The following AGTPBP1 variants were observed in gnomAD, a reference collection of about 807,000 sequenced individuals.
The protein encoded by AGTPBP1 is ATP/GTP binding carboxypeptidase 1, also known as cytosolic carboxypeptidase 1.
AGTPBP1 carries 70 observed loss-of-function variants against 143.9 expected under a neutral mutation model. The ratio of observed to expected loss-of-function variants is 0.49; its 90% confidence interval spans 0.40 to 0.59. The LOEUF (loss-of-function observed/expected upper bound fraction) is 0.59. Among genes scored for constraint, AGTPBP1 ranks in the 20% least tolerant of loss-of-function variants. The probability of loss-of-function intolerance (pLI) is 0.00; values close to 1 mark genes in which losing one functional copy is unlikely to be tolerated. For missense variants in AGTPBP1, 1,229 were observed against 1,464.5 expected, an observed-to-expected ratio of 0.84 and a Z score of 2.62; for synonymous variants, 463 against 500.2, an observed-to-expected ratio of 0.93 and a Z score of 0.99.
intron 24 of AGTPBP1, among the ~76,000 whole-genome samples, chr9:85,576,145 C>T (rs1007209855): frequency 2.6e-4 from 39 of 152,010 alleles, no homozygotes; most frequent in African/African-American, 9.2e-4. Flanking sequence ...ATAAGGTTTA[C>T]CAAAAGTTAA....
At position 85,589,716 on chromosome 9, in the gene AGTPBP1, C is replaced by A. The variant is rs374479702; in HGVS notation, c.2569-35G>T. ...AATTTTAAAACAAAATATACAATCA[C>A]TTAAAAAGTCCCTATGATATACAGA... On this transcript the variant is annotated intron_variant, in intron 19 of 25. Transcript: ENST00000357081. 6 of 1,565,230 alleles carry A rather than the reference C, an allele frequency of 3.8e-6. No homozygotes were observed. In the African/African-American group the frequency reaches 6.9e-5, roughly 18 times the overall value.
upstream of AGTPBP1, among the ~76,000 whole-genome samples, chr9:85,745,126 C>T (rs1824565927): frequency 6.6e-6 from 1 of 152,198 alleles, no homozygotes; most frequent in African/African-American, 2.4e-5. Context: ...GAGAGGTGAA[C>T]ATTGGAGCCC....
intron 13 of AGTPBP1, 37 bp downstream of exon 13, chr9:85,642,790 A>G (rs764293821): frequency 3.4e-6 from 5 of 1,487,062 alleles, no homozygotes; most frequent in Non-Finnish European, 4.6e-6. Context: ...ACTTTTTATT[A>G]AAATCAGTTA....
At chr9:85,617,093 A>C (rs1009374372) in intron 17 of AGTPBP1, among the ~76,000 whole-genome samples, 8 of 152,156 alleles carry the variant, frequency 5.3e-5, no homozygotes, top group Non-Finnish European at 1.0e-4. Context: ...AAGTAATTCT[A>C]GAGTATACAA....
In AGTPBP1 at chr9:85,656,657, C is replaced by G. The variant is rs1385610180; in HGVS notation, c.909+778G>C. ...CAACATCCTCATTCCCCATGGCTGA[C>G]AGTCAGCACAGCAACTAGAAAGGAT... is the stretch of plus-strand genomic sequence containing the variant. On this transcript the variant is annotated intron_variant, in intron 10 of 25. Transcript: ENST00000357081. 2.0e-5 allele frequency among the ~76,000 whole-genome samples: 3 copies of G among 152,122 alleles called. No homozygotes were observed. In the East Asian group the frequency reaches 5.8e-4, roughly 29 times the overall value.
intron 22 of AGTPBP1, among the ~76,000 whole-genome samples, chr9:85,586,412 A>T (rs1356757496): frequency 6.6e-6 from 1 of 152,166 alleles, no homozygotes; most frequent in East Asian, 1.9e-4. Flanking sequence ...TTAATATAAC[A>T]GGAACATTCT....
intron 6 of AGTPBP1, among the ~76,000 whole-genome samples, chr9:85,676,249 A>G (rs1484017572): frequency 6.6e-6 from 1 of 152,168 alleles, no homozygotes; most frequent in Non-Finnish European, 1.5e-5. Flanking sequence ...AACAATCAAC[A>G]AAGTGAAGAG....
intron 8 of AGTPBP1, among the ~76,000 whole-genome samples, chr9:85,663,792 A>G (rs1833977080): frequency 6.6e-6 from 1 of 151,502 alleles, no homozygotes; most frequent in South Asian, 2.1e-4. Flanking sequence ...CTAGATATCT[A>G]TTCAGCAGAA....
chr9:85,654,518 T>A (rs1286402266), intron 11 of AGTPBP1, among the ~76,000 whole-genome samples: 1 of 152,098 alleles, frequency 6.6e-6, no homozygotes, highest in Non-Finnish European at 1.5e-5. Flanking sequence ...TACCTAGACA[T>A]TTAATGTTTA....
intron 2 of AGTPBP1, among the ~76,000 whole-genome samples, chr9:85,705,500 G>A (rs1195289967): frequency 6.6e-6 from 1 of 151,932 alleles, no homozygotes; most frequent in African/African-American, 2.4e-5. Flanking sequence ...AACATAGCAA[G>A]ACATATCTCT....
At chr9:85,597,525 C>T (rs1829374083) in intron 17 of AGTPBP1, among the ~76,000 whole-genome samples, 1 of 151,992 alleles carries the variant, frequency 6.6e-6, no homozygotes, top group African/African-American at 2.4e-5. Flanking sequence ...TTTTGCAAAT[C>T]AACTTTGTTA....
chr9:85,599,567 T>C (rs1388087880), intron 17 of AGTPBP1, among the ~76,000 whole-genome samples: 1 of 152,242 alleles, frequency 6.6e-6, no homozygotes, highest in Non-Finnish European at 1.5e-5. Context: ...AAGTTAATTT[T>C]CACTTCTCCT....
intron 17 of AGTPBP1, among the ~76,000 whole-genome samples, chr9:85,608,418 C>T (rs1410640054): frequency 6.6e-6 from 1 of 151,852 alleles, no homozygotes; most frequent in African/African-American, 2.4e-5. Flanking sequence ...AACAAGAAAA[C>T]AAAATATAGA....
Position 85,741,954 on chromosome 9 carries a change from T to A in AGTPBP1, c.-213A>T. 1 of 1,272,356 alleles carries A rather than the reference T, an allele frequency of 7.9e-7. No individual in the cohort carries two copies. The allele number at this position is 1,272,356 out of a possible 1,614,324, so 78.8% of individuals were successfully genotyped here. A position where few individuals can be genotyped will look rare whatever the true frequency, so the allele number is the denominator to read the frequency against. ...CGGCGGCGCTGGAGGCGGCGGAACC[T>A]GTCCGCATCCCGGGCAACGTCAGCG... On this transcript the variant is annotated 5_prime_UTR_variant, in exon 1 of 26. Transcript: ENST00000357081.
chr9:85,775,524 G>GATAT, the AGTPBP1 span, among the ~76,000 whole-genome samples: 3 of 145,146 alleles, frequency 2.1e-5, no homozygotes, highest in African/African-American at 7.6e-5. Context: ...TCATATATAT[G>GATAT]ATATATATAT....
chr9:85,748,803 G>T, the AGTPBP1 span, among the ~76,000 whole-genome samples: 1 of 152,072 alleles, frequency 6.6e-6, no homozygotes, highest in African/African-American at 2.4e-5. Context: ...TGAAGATCAG[G>T]CCAGCCTGTT....
chr9:85,681,981 C>T (rs1172725798), intron 3 of AGTPBP1, among the ~76,000 whole-genome samples: 1 of 151,272 alleles, frequency 6.6e-6, no homozygotes, highest in Non-Finnish European at 1.5e-5. Flanking sequence ...AACTCCTGAC[C>T]TCATGATCCA....
intron 17 of AGTPBP1, among the ~76,000 whole-genome samples, chr9:85,614,815 T>C (rs901502857): frequency 6.6e-6 from 1 of 152,090 alleles, no homozygotes; most frequent in Non-Finnish European, 1.5e-5. Context: ...TGGGGACATG[T>C]GTCTAAGAGG....
At chr9:85,651,567 A>C (rs548716252) in intron 11 of AGTPBP1, among the ~76,000 whole-genome samples, 1 of 152,308 alleles carries the variant, frequency 6.6e-6, no homozygotes, top group South Asian at 2.1e-4. Context: ...AAATACTCTT[A>C]GGTAACGTCT....
Sources: allele counts gnomAD v4.1 joint callset (sites outside exome capture counted in the v4.1 genomes callset), GRCh38; gene constraint gnomAD v4.1.1; transcripts MANE v1.5; gene names NCBI Gene and HGNC (gene_info 2026-07-23, HGNC 2026-07-21).